Variants in SIPA1L3 observed in about 807,000 individuals in gnomAD.
SIPA1L3 encodes the protein signal induced proliferation associated 1 like 3.
SIPA1L3 carries 59 observed loss-of-function variants against 150.1 expected under a neutral mutation model. That is an observed-to-expected ratio of 0.39 (90% CI 0.32 to 0.49). The LOEUF is 0.49. Ranked by LOEUF, SIPA1L3 falls within the 20% of genes least tolerant of loss-of-function variation. The pLI is 0.86. For synonymous variants in SIPA1L3, 1,070 were observed against 1,077.6 expected (o/e 0.99, Z 0.14); for missense variants, 2,211 against 2,489.5 (o/e 0.89, Z 2.38).
intron 1 of SIPA1L3, among the ~76,000 whole-genome samples, chr19:38,024,554 C>T (rs1287390311): frequency 6.6e-6 from 1 of 152,026 alleles, no homozygotes; most frequent in Admixed American, 6.6e-5. Flanking sequence ...CCCCAGCTGG[C>T]CCTGGGCCCC....
In SIPA1L3 at chr19:37,939,964, T is replaced by C. The variant is rs1002548573; in HGVS notation, c.-379+32606T>C. On this transcript the variant is annotated intron_variant, in intron 1 of 21. Coordinates refer to ENST00000222345, the MANE Select transcript of SIPA1L3 (RefSeq NM_015073.3). ...CTTTGATTAATTACACAGATATTTA[T>C]GGAGCACCTGTTTTGTACAGGCACT... Among the ~76,000 whole-genome samples the C allele has an allele frequency of 2.5e-4, 38 of 152,328 alleles. No homozygotes were observed. In the East Asian group the frequency reaches 7.1e-3, roughly 29 times the overall value.
At chr19:38,138,094 G>A (rs920772031) in intron 10 of SIPA1L3, among the ~76,000 whole-genome samples, 1 of 151,906 alleles carries the variant, frequency 6.6e-6, no homozygotes. Flanking sequence ...TCACGCCACT[G>A]CACTCTAGCC....
At chr19:37,991,176 G>C (rs1251203897) in intron 1 of SIPA1L3, among the ~76,000 whole-genome samples, 1 of 152,100 alleles carries the variant, frequency 6.6e-6, no homozygotes, top group Non-Finnish European at 1.5e-5. Context: ...AGGTTGCTGT[G>C]AGCCGAGATT....
At chr19:38,074,411 C>T (rs1969793047) in intron 2 of SIPA1L3, among the ~76,000 whole-genome samples, 1 of 152,240 alleles carries the variant, frequency 6.6e-6, no homozygotes, top group South Asian at 2.1e-4. Flanking sequence ...GTTTTCCCAA[C>T]CCAGCCTTAA....
chr19:37,923,136 CAAAAA>C (rs200934890), intron 1 of SIPA1L3, among the ~76,000 whole-genome samples: 7 of 122,612 alleles, frequency 5.7e-5, no homozygotes, highest in Non-Finnish European at 1.2e-4. Context: ...GACTCCATCT[CAAAAA>C]AAAAAAAAAG....
chr19:37,937,676 A>G (rs894443043), intron 1 of SIPA1L3, among the ~76,000 whole-genome samples: 5 of 142,324 alleles, frequency 3.5e-5, no homozygotes, highest in African/African-American at 1.1e-4. Flanking sequence ...CAGGAGGTTG[A>G]GGCTGCAGTG....
At chr19:38,183,659 C>G (rs1161455052) in intron 16 of SIPA1L3, among the ~76,000 whole-genome samples, 1 of 152,114 alleles carries the variant, frequency 6.6e-6, no homozygotes, top group Admixed American at 6.5e-5. Context: ...GGAGGGAGAA[C>G]TTTGGGTGTT....
At chr19:38,097,888 C>T (rs986713737) in intron 4 of SIPA1L3, among the ~76,000 whole-genome samples, 3 of 152,158 alleles carry the variant, frequency 2.0e-5, no homozygotes, top group African/African-American at 4.8e-5. Flanking sequence ...ATATACCTCA[C>T]CATACACATA....
chr19:38,195,102 C>T (rs904709015), intron 18 of SIPA1L3, among the ~76,000 whole-genome samples: 1 of 152,144 alleles, frequency 6.6e-6, no homozygotes, highest in Non-Finnish European at 1.5e-5. Flanking sequence ...TTTGCATCTG[C>T]ACTCCTTGCC....
In SIPA1L3 at chr19:38,193,621, G is replaced by A. The variant is rs61735490; in HGVS notation, c.4681G>A (p.Ala1561Thr). The A allele has an allele frequency of 1.5e-5, 23 of 1,571,114 alleles. No individual in the cohort carries two copies. Among genetic ancestry groups the A allele is most frequent in the East Asian group, 4.7e-5 (2 of 42,226 alleles). ...CCGGGAGCCCAGCTTCGCCAGCCCCGCTGGCCTAGAGCCAGGGCTGCCCAG... is the reference window on the plus strand; with the variant it reads ...CCGGGAGCCCAGCTTCGCCAGCCCCACTGGCCTAGAGCCAGGGCTGCCCAG... ...GRREPSFASP[A>T]GLEPGLPSDV... is the part of the protein sequence containing the mutation. The change falls in exon 18 of 22, where the codon GCT becomes ACT. Residue 1561 changes from alanine (A) to threonine (T), a missense_variant. Physicochemically the swap from Ala to Thr is moderately conservative, Grantham distance 58. Around this residue, in one of 5 missense-constraint regions of SIPA1L3, gnomAD observed 806 missense variants for 870.1 expected, o/e 0.93. Transcript: ENST00000222345.
intron 16 of SIPA1L3, among the ~76,000 whole-genome samples, 156 bp from the exon 17 acceptor site, chr19:38,191,989 T>C (rs966512562): frequency 1.3e-5 from 2 of 152,124 alleles, no homozygotes; most frequent in African/African-American, 4.8e-5. Flanking sequence ...AAGAAGGGAA[T>C]GGAGCCAAGC....
chr19:38,159,051 G>A (rs982582005), intron 13 of SIPA1L3, among the ~76,000 whole-genome samples: 1 of 152,222 alleles, frequency 6.6e-6, no homozygotes, highest in Non-Finnish European at 1.5e-5. Context: ...CTCCCGGGGA[G>A]CCAGCACCTT....
chr19:38,119,939 C>A, intron 9 of SIPA1L3, 57 bp downstream of exon 9: 1 of 1,265,036 alleles, frequency 7.9e-7, no homozygotes, highest in Non-Finnish European at 1.1e-6. Context: ...GCCTCAGGAA[C>A]CACTGAAATA....
chr19:38,126,185 A>G (rs555858142), intron 9 of SIPA1L3, among the ~76,000 whole-genome samples: 7 of 151,166 alleles, frequency 4.6e-5, no homozygotes, highest in Admixed American at 2.6e-4. Flanking sequence ...CATCTCAAAA[A>G]CAAAAACAAA....
intron 1 of SIPA1L3, among the ~76,000 whole-genome samples, chr19:37,935,177 C>A (rs1466444456): frequency 6.6e-6 from 1 of 152,078 alleles, no homozygotes; most frequent in East Asian, 1.9e-4. Context: ...AACCAAAAAG[C>A]ATTTTTTAAA....
At chr19:37,943,256 A>T (rs1431540413) in intron 1 of SIPA1L3, among the ~76,000 whole-genome samples, 1 of 151,920 alleles carries the variant, frequency 6.6e-6, no homozygotes, top group Non-Finnish European at 1.5e-5. Context: ...CCCCGAAGAA[A>T]CTGAGGCCCA....
intron 18 of SIPA1L3, among the ~76,000 whole-genome samples, chr19:38,194,060 C>T (rs969805464): frequency 6.6e-6 from 1 of 152,060 alleles, no homozygotes; most frequent in Non-Finnish European, 1.5e-5. Context: ...GAAGTCCACC[C>T]TCAGGGTACA....
At chr19:37,985,011 T>C (rs565957622) in intron 1 of SIPA1L3, among the ~76,000 whole-genome samples, 1 of 152,160 alleles carries the variant, frequency 6.6e-6, no homozygotes, top group Non-Finnish European at 1.5e-5. Context: ...TGTCCTGGAG[T>C]ACAAGGTCTG....
chr19:37,940,638 C>T (rs1223746412), intron 1 of SIPA1L3, among the ~76,000 whole-genome samples: 1 of 152,126 alleles, frequency 6.6e-6, no homozygotes, highest in Non-Finnish European at 1.5e-5. Flanking sequence ...TCTATGGCTT[C>T]TCCCTCCCTC....
Sources: gnomAD v4.1 joint callset for allele counts (sites outside exome capture counted in the v4.1 genomes callset) on GRCh38, gnomAD v4.1.1 for gene constraint, gnomAD v4.1.1 regional missense constraint, MANE v1.5 for transcripts, NCBI Gene and HGNC (gene_info 2026-07-23, HGNC 2026-07-21) for gene names.